Variants in FAM184B observed in about 807,000 individuals in gnomAD.
FAM184B encodes protein FAM184B.
FAM184B carries 111 observed loss-of-function variants against 135.9 expected under a neutral mutation model. The observed-to-expected ratio is 0.82, with a 90% CI of 0.70 to 0.96. The LOEUF is 0.96. Ranked by LOEUF, FAM184B falls within the 40% of genes least tolerant of loss-of-function variation. The pLI, the probability that FAM184B is intolerant of heterozygous loss-of-function variation, is 0.00. For synonymous variants in FAM184B, 552 were observed against 524.8 expected (o/e 1.05, Z -0.71); for missense variants, 1,375 against 1,323.9 (o/e 1.04, Z -0.60).
At chr4:17,723,857 C>A (rs764326021) in intron 1 of FAM184B, among the ~76,000 whole-genome samples, 23 of 152,248 alleles carry the variant, frequency 1.5e-4, no homozygotes, top group Admixed American at 2.0e-4. Context: ...TTTCTGAAAG[C>A]GTAGCGTGCC....
intron 1 of FAM184B, among the ~76,000 whole-genome samples, chr4:17,739,336 A>G (rs562566497): frequency 1.3e-5 from 2 of 152,232 alleles, no homozygotes; most frequent in South Asian, 4.1e-4. Flanking sequence ...AGTGGACATC[A>G]GAATCTGCCT....
chr4:17,688,707 T>TC (rs1553835512), intron 6 of FAM184B, among the ~76,000 whole-genome samples, 176 bp from the exon 7 acceptor site: 35 of 145,214 alleles, frequency 2.4e-4, no homozygotes, highest in African/African-American at 7.5e-4. Context: ...TTTTTTTTTT[T>TC]CTGATCCAGG....
rs1261104049 is a variant in FAM184B at position 17,660,016 on chromosome 4, G to A, written c.1766C>T (p.Ser589Phe). The A allele has an allele frequency of 1.3e-6, 2 of 1,551,426 alleles. No homozygotes were observed. The highest frequency in any genetic ancestry group is 8.7e-7 in the Non-Finnish European group (1 of 1,146,994). The stretch of plus-strand genomic sequence containing the variant: ...GTCCTCCTCTAGACGCTGGATTTTG[G>A]ATGTTTTCTCCTTCAACAAAGAGCC... ...PLGSLLKEKTSKIQRLEEDWQ... is the reference protein window; with the variant it reads ...PLGSLLKEKTFKIQRLEEDWQ... Residue 589 changes from serine (S) to phenylalanine (F), a missense_variant, in exon 9 of 18, where the codon TCC (serine) becomes TTC (phenylalanine). Transcript: ENST00000265018.
chr4:17,780,745 T>C (rs893673920), intron 1 of FAM184B, among the ~76,000 whole-genome samples: 1 of 152,078 alleles, frequency 6.6e-6, no homozygotes. Flanking sequence ...CGCAAATATT[T>C]GTTGAATGAA....
intron 13 of FAM184B, among the ~76,000 whole-genome samples, 188 bp downstream of exon 13, chr4:17,641,867 CT>C (rs1319580735): frequency 2.0e-5 from 3 of 151,946 alleles, no homozygotes; most frequent in Non-Finnish European, 4.4e-5. Context: ...AGCTCTGGGA[CT>C]TTTCATGGGT....
intron 5 of FAM184B, among the ~76,000 whole-genome samples, chr4:17,696,074 C>G (rs1300769039): frequency 6.6e-6 from 1 of 152,210 alleles, no homozygotes; most frequent in East Asian, 1.9e-4. Flanking sequence ...GACATGATAA[C>G]AGTAGCTGAC....
At chr4:17,772,626 AG>A (rs1191229109) in intron 1 of FAM184B, among the ~76,000 whole-genome samples, 2 of 152,254 alleles carry the variant, frequency 1.3e-5, no homozygotes, top group Admixed American at 1.3e-4. Flanking sequence ...TTGGATCTTT[AG>A]GATGGCCCAA....
At chr4:17,669,885 G>A (rs1716131793) in intron 7 of FAM184B, among the ~76,000 whole-genome samples, 2 of 152,316 alleles carry the variant, frequency 1.3e-5, no homozygotes, top group East Asian at 3.9e-4. Context: ...TAACATTTAT[G>A]TGAGGTCATA....
In FAM184B at chr4:17,705,116, T is replaced by C. The variant is rs1560181011; in HGVS notation, c.1261A>G (p.Lys421Glu). The change falls in exon 5 of 18, where the codon AAG becomes GAG. Residue 421 changes from lysine (K) to glutamate (E), a missense_variant. Physicochemically the swap from Lys to Glu is moderately conservative, Grantham distance 56. Coordinates refer to ENST00000265018, the MANE Select transcript of FAM184B (RefSeq NM_015688.2). Reference protein sequence around the residue: ...RKIKHQTEEEKKHLKDQLVKR... With the variant: ...RKIKHQTEEEEKHLKDQLVKR... ...ACTAGCTGGTCTTTGAGATGTTTCT[T>C]CTCCTCTTCTGTCTGATGTTTGATT... The C allele has an allele frequency of 6.4e-7, 1 of 1,551,790 alleles. No individual in the cohort carries two copies. The highest frequency in any genetic ancestry group is 8.7e-7 in the Non-Finnish European group (1 of 1,147,010).
chr4:17,651,229 G>T (rs1194381260), intron 11 of FAM184B, among the ~76,000 whole-genome samples: 4 of 152,008 alleles, frequency 2.6e-5, no homozygotes, highest in Admixed American at 2.6e-4. Flanking sequence ...CCAGAATCAG[G>T]CATACAACAT....
chr4:17,632,454 G>A lies in FAM184B; in HGVS notation c.*78C>T. On this transcript the variant is annotated 3_prime_UTR_variant, in exon 18 of 18. Transcript: ENST00000265018. ...TAAGCATATTATTTGGTTGGTTGGT[G>A]TTAGTTCATTCCTTCAATCGGATGA... is the stretch of plus-strand genomic sequence containing the variant. 2 of 1,231,744 alleles carry A rather than the reference G, an allele frequency of 1.6e-6. No individual in the cohort carries two copies. Among genetic ancestry groups the A allele is most frequent in the Non-Finnish European group, 1.1e-6 (1 of 874,346 alleles). 76.3% of individuals were successfully genotyped at this position (1,231,744 alleles called of 1,614,324 possible).
intron 6 of FAM184B, among the ~76,000 whole-genome samples, chr4:17,693,009 G>C (rs925460682): frequency 3.7e-5 from 4 of 106,994 alleles, no homozygotes; most frequent in South Asian, 6.0e-4. Flanking sequence ...TAACCCTGGG[G>C]AAGGAAAGGC....
intron 8 of FAM184B, among the ~76,000 whole-genome samples, chr4:17,663,231 C>A (rs965455453): frequency 7.9e-5 from 12 of 152,180 alleles, no homozygotes; most frequent in Admixed American, 3.9e-4. Context: ...GCCACCATGC[C>A]CGGCCTCACA....
intron 5 of FAM184B, 140 bp downstream of exon 5, chr4:17,704,860 A>T (rs544910235): frequency 1.4e-6 from 1 of 723,966 alleles, no homozygotes; most frequent in African/African-American, 1.8e-5. Flanking sequence ...ATCTGTGTGT[A>T]TTCAGAGAAT....
At chr4:17,677,978 T>C (rs889267390) in intron 7 of FAM184B, among the ~76,000 whole-genome samples, 2 of 152,196 alleles carry the variant, frequency 1.3e-5, no homozygotes, top group Non-Finnish European at 1.5e-5. Flanking sequence ...CATCCCTTTA[T>C]GGTTAAAACC....
intron 4 of FAM184B, 68 bp from the exon 5 acceptor site, chr4:17,705,274 C>T: frequency 8.2e-7 from 1 of 1,217,930 alleles, no homozygotes; most frequent in Non-Finnish European, 1.2e-6. Context: ...CACCATTTCC[C>T]TTTCATACAA....
At chr4:17,765,305 C>T (rs544084237) in intron 1 of FAM184B, among the ~76,000 whole-genome samples, 3 of 152,212 alleles carry the variant, frequency 2.0e-5, no homozygotes, top group South Asian at 2.1e-4. Context: ...CTTTCATGGG[C>T]ATTACCTGTA....
intron 1 of FAM184B, among the ~76,000 whole-genome samples, chr4:17,729,615 G>A (rs59490036): frequency 0.032 from 4,866 of 152,290 alleles, 165 homozygotes; most frequent in African/African-American, 0.085. Flanking sequence ...TACAGCCACC[G>A]CTGTTCTGCA....
At position 17,753,586 on chromosome 4, in the gene FAM184B, C is replaced by T. The variant is rs1374248746; in HGVS notation, c.141+27573G>A. Among the ~76,000 whole-genome samples, 3 of 152,168 alleles carry T rather than the reference C, an allele frequency of 2.0e-5. No individual in the cohort carries two copies. The East Asian group carries it at 5.8e-4, about 29-fold the overall frequency. Reference sequence around the variant, plus strand: ...AGGGTGCTGTGAGATTGTTGGTGGTCACTTTCCAGAGGGCTTTAAAAATGG... The same window carrying T: ...AGGGTGCTGTGAGATTGTTGGTGGTTACTTTCCAGAGGGCTTTAAAAATGG... On this transcript the variant is annotated intron_variant, in intron 1 of 17. Coordinates refer to ENST00000265018, the MANE Select transcript of FAM184B (RefSeq NM_015688.2).
Sources: gnomAD v4.1 joint callset for allele counts (sites outside exome capture counted in the v4.1 genomes callset) on GRCh38, gnomAD v4.1.1 for gene constraint, MANE v1.5 for transcripts, NCBI Gene and HGNC (gene_info 2026-07-23, HGNC 2026-07-21) for gene names.